The following WDR17 variants were observed in gnomAD, a reference collection of about 807,000 sequenced individuals.
WDR17 encodes WD repeat-containing protein 17.
Under a neutral mutation model 161.7 loss-of-function variants are expected in WDR17, and 143 were observed. The observed-to-expected ratio is 0.88, with a 90% confidence interval of 0.77 to 1.02. The LOEUF (loss-of-function observed/expected upper bound fraction) is 1.02, where lower values mean the gene tolerates loss of function less well. Ranked by LOEUF, WDR17 falls within the 50% of genes least tolerant of loss-of-function variation. The probability of loss-of-function intolerance (pLI) is 0.00; values close to 1 mark genes in which losing one functional copy is unlikely to be tolerated. For missense variants in WDR17, 1,469 were observed against 1,520.9 expected (o/e 0.97, Z 0.57); for synonymous variants, 517 against 515.6 (o/e 1.00, Z -0.04).
At chr4:176,178,897 C>A (rs1751840916) in intron 28 of WDR17, among the ~76,000 whole-genome samples, 1 of 152,118 alleles carries the variant, frequency 6.6e-6, no homozygotes, top group Admixed American at 6.6e-5. Context: ...ACATTTAGTT[C>A]TTTATAACTA....
At chr4:176,166,034 C>A in intron 22 of WDR17, 1 of 653,756 alleles carries the variant, frequency 1.5e-6, no homozygotes, top group Non-Finnish European at 2.5e-6. Flanking sequence ...AAGCTATAAA[C>A]AGCGCTTTTT....
At position 176,084,037 on chromosome 4, in the gene WDR17, T is replaced by C. The variant is rs537824364; in HGVS notation, c.-7+17958T>C. 3.3e-5 allele frequency among the ~76,000 whole-genome samples: 5 copies of C among 152,142 alleles called. No homozygotes were observed. In the East Asian group the frequency reaches 7.7e-4, roughly 24 times the overall value. The stretch of plus-strand genomic sequence containing the variant: ...TGTTTTGTTTTGTTTTTGTTTTTGT[T>C]TTTTTTTGGTTGTAAGTGTCCTTTG... On this transcript the variant is annotated intron_variant, in intron 1 of 28. Coordinates refer to ENST00000508596, the MANE Select transcript of WDR17 (RefSeq NM_181265.4).
chr4:176,119,593 T>TA (rs1363935184), intron 3 of WDR17, among the ~76,000 whole-genome samples: 1 of 152,046 alleles, frequency 6.6e-6, no homozygotes, highest in African/African-American at 2.4e-5. Context: ...TCTACTAAAA[T>TA]AAAAAAGTCT....
chr4:176,131,768 A>T (rs369270280), intron 7 of WDR17, 30 bp downstream of exon 7: 50 of 1,486,642 alleles, frequency 3.4e-5, no homozygotes, highest in Non-Finnish European at 4.5e-5. Flanking sequence ...TTTATTATAC[A>T]TAATAGTTTT....
chr4:176,073,589 G>A (rs1180441674), intron 1 of WDR17, among the ~76,000 whole-genome samples: 21 of 151,444 alleles, frequency 1.4e-4, no homozygotes, highest in Non-Finnish European at 2.8e-4. Flanking sequence ...CTTTATAGCA[G>A]CATGATTTAT....
chr4:176,096,576 A>T, intron 1 of WDR17: 2 of 1,597,308 alleles, frequency 1.3e-6, no homozygotes, highest in Non-Finnish European at 1.7e-6. Context: ...GGTATGAAGG[A>T]CTACAAAGAG....
Position 176,149,827 on chromosome 4 carries a change from C to T in WDR17, c.1918C>T (p.Arg640Cys), listed in dbSNP as rs1014846752. Residue 640 changes from arginine (R) to cysteine (C), a missense_variant, in exon 14 of 29, where the codon CGC becomes TGC. By Grantham distance (180) the Arg-to-Cys change is radical. Transcript: ENST00000508596. Reference sequence around the variant, plus strand: ...ATCAGGTTTAACCTGCCATCCCAGTCGCCCCTTCACTATGGCCTCTTGCTC... The same window carrying T: ...ATCAGGTTTAACCTGCCATCCCAGTTGCCCCTTCACTATGGCCTCTTGCTC... ...DVYGLTCHPS[R>C]PFTMASCSRD... The T allele has an allele frequency of 7.4e-6, 12 of 1,613,248 alleles. 1 individual carries two copies. The highest frequency in any genetic ancestry group is 1.7e-5 in the Admixed American group (1 of 59,744).
Position 176,156,078 on chromosome 4 carries a change from G to C in WDR17, c.2461-1G>C, listed in dbSNP as rs371253486. ...CCTGCCCTTTTTGCCTTCTATTGTA[G>C]TGGGACAAAGCCCTGTCAATTGCAC... On this transcript the variant is annotated splice_acceptor_variant, in intron 17 of 28. Coordinates refer to ENST00000508596, the MANE Select transcript of WDR17 (RefSeq NM_181265.4). LOFTEE classifies it high-confidence loss of function. 2.4e-5 allele frequency: 38 copies of C among 1,613,416 alleles called. No homozygotes were observed. The highest frequency in any genetic ancestry group is 3.1e-5 in the Non-Finnish European group (37 of 1,179,726).
intron 4 of WDR17, among the ~76,000 whole-genome samples, chr4:176,124,124 T>G (rs1742049206): frequency 1.3e-5 from 2 of 152,222 alleles, no homozygotes; most frequent in Admixed American, 6.5e-5. Flanking sequence ...AAGAGTTGTA[T>G]TATCTTTCAA....
chr4:176,148,905 T>C (rs1364620842), intron 13 of WDR17, among the ~76,000 whole-genome samples: 1 of 152,234 alleles, frequency 6.6e-6, no homozygotes, highest in Non-Finnish European at 1.5e-5. Context: ...CCTTAAACTT[T>C]GATGGGAGTA....
At chr4:176,162,231 G>A in intron 21 of WDR17, 57 bp downstream of exon 21, 1 of 1,489,410 alleles carries the variant, frequency 6.7e-7, no homozygotes, top group East Asian at 2.3e-5. Context: ...ATGTCATGGT[G>A]TTTGAGAGGA....
At chr4:176,113,311 G>T (rs1445311440) in intron 2 of WDR17, among the ~76,000 whole-genome samples, 1 of 152,032 alleles carries the variant, frequency 6.6e-6, no homozygotes, top group Non-Finnish European at 1.5e-5. Flanking sequence ...GGTAAGGATG[G>T]TAAAGAAACT....
At chr4:176,128,711 A>G (rs1742849822) in intron 5 of WDR17, 27 bp from the exon 6 acceptor site, 1 of 1,585,194 alleles carries the variant, frequency 6.3e-7, no homozygotes, top group Non-Finnish European at 8.5e-7. Context: ...AACTTGTTAA[A>G]ATGTGCTTTT....
intron 5 of WDR17, among the ~76,000 whole-genome samples, chr4:176,127,084 T>C (rs1348813260): frequency 6.6e-6 from 1 of 152,178 alleles, no homozygotes; most frequent in Non-Finnish European, 1.5e-5. Flanking sequence ...ATTTAAAGTA[T>C]ACGAGAAAAT....
At chr4:176,174,499 A>G in intron 25 of WDR17, 118 bp from the exon 26 acceptor site, 1 of 635,280 alleles carries the variant, frequency 1.6e-6, no homozygotes, top group Non-Finnish European at 2.4e-6. Context: ...AATTTTCTAA[A>G]CATATATTGC....
At position 176,146,178 on chromosome 4, in the gene WDR17, T is replaced by G; in HGVS notation, c.1694+19T>G. 3 of 1,606,492 alleles carry G rather than the reference T, an allele frequency of 1.9e-6. No homozygotes were observed. The highest frequency in any genetic ancestry group is 2.5e-6 in the Non-Finnish European group (3 of 1,176,504). On this transcript the variant is annotated intron_variant, in intron 12 of 28. Transcript: ENST00000508596. ...ATGATGGGTATGTATTTTTGGATTC[T>G]AATTTTCTAGTCCTTAAAATCATAA...
At chr4:176,132,604 C>T (rs1357343594) in intron 7 of WDR17, among the ~76,000 whole-genome samples, 7 of 151,900 alleles carry the variant, frequency 4.6e-5, no homozygotes, top group African/African-American at 1.2e-4. Context: ...ATTTTATCCT[C>T]AAATGAAAAA....
Position 176,142,359 on chromosome 4 carries a change from G to A in WDR17, c.1529+290G>A, listed in dbSNP as rs180907921. The stretch of plus-strand genomic sequence containing the variant: ...AATGAAAAATGGAAATGAGTCCATT[G>A]CATGTATGGCTTCTATCATAGAAAT... On this transcript the variant is annotated intron_variant, in intron 11 of 28. Coordinates refer to ENST00000508596, the MANE Select transcript of WDR17 (RefSeq NM_181265.4). Among the ~76,000 whole-genome samples the A allele has an allele frequency of 1.9e-3, 282 of 152,246 alleles. 1 individual carries two copies. The highest frequency in any genetic ancestry group is 5.7e-3 in the African/African-American group (236 of 41,550).
At chr4:176,127,823 G>T (rs901142003) in intron 5 of WDR17, among the ~76,000 whole-genome samples, 1 of 152,112 alleles carries the variant, frequency 6.6e-6, no homozygotes, top group Non-Finnish European at 1.5e-5. Context: ...ATACACACAT[G>T]TGCAAGCATA....
Sources: gnomAD v4.1 joint callset for allele counts (sites outside exome capture counted in the v4.1 genomes callset) on GRCh38, gnomAD v4.1.1 for gene constraint, MANE v1.5 for transcripts, NCBI Gene and HGNC (gene_info 2026-07-23, HGNC 2026-07-21) for gene names.